The following MEX3C variants were observed in gnomAD, a reference collection of about 807,000 sequenced individuals.
MEX3C encodes RNA-binding E3 ubiquitin-protein ligase MEX3C.
Under a neutral mutation model 35.5 loss-of-function variants are expected in MEX3C, and 15 were observed. That is an observed-to-expected ratio of 0.42 (90% CI 0.28 to 0.65). The LOEUF is 0.65. Ranked by LOEUF, MEX3C falls within the 30% of genes least tolerant of loss-of-function variation. The probability of loss-of-function intolerance (pLI) is 0.20; values close to 1 mark genes in which losing one functional copy is unlikely to be tolerated. For missense variants in MEX3C, 711 were observed against 842.8 expected, an observed-to-expected ratio of 0.84 and a Z score of 1.94; for synonymous variants, 390 against 352.8, an observed-to-expected ratio of 1.11 and a Z score of -1.18.
rs1912492353 is a variant in MEX3C at position 51,184,439 on chromosome 18, C to A, written c.755-6863G>T. On this transcript the variant is annotated intron_variant, in intron 1 of 1. Coordinates refer to ENST00000406189, the MANE Select transcript of MEX3C (RefSeq NM_016626.5). ...AAAGTAATAAAAACTACTAGAGATT[C>A]TCAGAGCCCTTAAAAACTCCACAAT... Among the ~76,000 whole-genome samples, 4 of 152,160 alleles carry A rather than the reference C, an allele frequency of 2.6e-5. No homozygotes were observed. In the South Asian group the frequency reaches 8.3e-4, roughly 32 times the overall value.
At chr18:51,189,121 C>T (rs1235738266) in intron 1 of MEX3C, among the ~76,000 whole-genome samples, 1 of 152,168 alleles carries the variant, frequency 6.6e-6, no homozygotes, top group Non-Finnish European at 1.5e-5. Context: ...CAGTGCCTGA[C>T]ACAAGTTTGT....
intron 1 of MEX3C, among the ~76,000 whole-genome samples, chr18:51,187,528 A>G (rs1912567309): frequency 6.6e-6 from 1 of 152,314 alleles, no homozygotes; most frequent in East Asian, 1.9e-4. Context: ...CCTGTTATTA[A>G]GTGCTTAGCC....
rs1344520344 is a variant in MEX3C at position 51,176,963 on chromosome 18, A to G, written c.1368T>C (p.Asp456=). 6.2e-7 allele frequency: 1 copy of G among 1,614,004 alleles called. No individual in the cohort carries two copies. Among genetic ancestry groups the G allele is most frequent in the Non-Finnish European group, 8.5e-7 (1 of 1,179,892 alleles). The part of the protein sequence containing the change: ...SSSSLGSGST[D]SYFGSNRLAD... The stretch of plus-strand genomic sequence containing the variant: ...CCAGCCTATTGCTTCCAAAGTAGGA[A>G]TCTGTAGAGCCACTTCCTAGAGAAC... The change falls in exon 2 of 2, where the codon GAT becomes GAC. Residue 456 remains aspartate (D), a synonymous_variant. Coordinates refer to ENST00000406189, the MANE Select transcript of MEX3C (RefSeq NM_016626.5).
rs116079876 is a variant in MEX3C at position 51,176,160 on chromosome 18, T to C, written c.*191A>G. The C allele has an allele frequency of 2.7e-3, 1,477 of 550,292 alleles. 17 individuals are homozygous for C. The highest frequency in any genetic ancestry group is 0.023 in the African/African-American group (1,235 of 52,856). The allele number at this position is 550,292 out of a possible 1,614,324, so 34.1% of individuals were successfully genotyped here. On this transcript the variant is annotated 3_prime_UTR_variant, in exon 2 of 2. Coordinates refer to ENST00000406189, the MANE Select transcript of MEX3C (RefSeq NM_016626.5). ...GTACTAATAATTCAAACCAAACTAA[T>C]AGACAAGAGACCACTTAGGTTTAGT...
Position 51,177,602 on chromosome 18 carries a change from G to C in MEX3C, c.755-26C>G. On this transcript the variant is annotated intron_variant, in intron 1 of 1. Coordinates refer to ENST00000406189, the MANE Select transcript of MEX3C (RefSeq NM_016626.5). This position sits in a 1 kb window ranked among gnomAD's most constrained non-coding sequence, Gnocchi z 4.2. Reference sequence around the variant, plus strand: ...CTGTTAGAAAGAAAACATTTCATAAGAATCAACATCTACTTCAATGATATA... The same window carrying C: ...CTGTTAGAAAGAAAACATTTCATAACAATCAACATCTACTTCAATGATATA... 2 of 1,555,022 alleles carry C rather than the reference G, an allele frequency of 1.3e-6. No individual in the cohort carries two copies. The highest frequency in any genetic ancestry group is 1.2e-5 in the South Asian group (1 of 80,456).
At chr18:51,182,607 C>T (rs982237449) in intron 1 of MEX3C, among the ~76,000 whole-genome samples, 1 of 152,146 alleles carries the variant, frequency 6.6e-6, no homozygotes, top group South Asian at 2.1e-4. Flanking sequence ...CCTTAAAACC[C>T]TTTAGCTGCA....
chr18:51,180,067 T>C (rs1359409752), intron 1 of MEX3C, among the ~76,000 whole-genome samples: 4 of 151,684 alleles, frequency 2.6e-5, no homozygotes, highest in Admixed American at 2.0e-4. Flanking sequence ...CTTACTAATA[T>C]TGACCATTAG....
Position 51,176,119 on chromosome 18 carries a change from C to T in MEX3C, c.*232G>A, listed in dbSNP as rs185408695. ...AGCAATTCTTATATAAACTATGTCT[C>T]TGGGTCTACAGGATAGTACTAATAA... On this transcript the variant is annotated 3_prime_UTR_variant, in exon 2 of 2. Transcript: ENST00000406189. The T allele has an allele frequency of 4.9e-4, 194 of 397,504 alleles. 1 individual carries two copies. Among genetic ancestry groups the T allele is most frequent in the Middle Eastern group, 1.3e-3 (2 of 1,532 alleles). The allele number at this position is 397,504 out of a possible 1,614,324, so 24.6% of individuals were successfully genotyped here. A position where few individuals can be genotyped will look rare whatever the true frequency, so the allele number is the denominator to read the frequency against.
rs145810446 is a variant in MEX3C, at chr18:51,179,206, C to T, written c.755-1630G>A. Among the ~76,000 whole-genome samples, 805 of 152,042 alleles carry T rather than the reference C, an allele frequency of 5.3e-3. 38 individuals are homozygous for T. In the East Asian group the frequency reaches 0.12, roughly 22 times the overall value. ...TTTTAGTAGAGATGGGGTTTCACCACGTTGGTCAGGCTGGTCTTGAACTCC... is the reference window on the plus strand; with the variant it reads ...TTTTAGTAGAGATGGGGTTTCACCATGTTGGTCAGGCTGGTCTTGAACTCC... On this transcript the variant is annotated intron_variant, in intron 1 of 1. Coordinates refer to ENST00000406189, the MANE Select transcript of MEX3C (RefSeq NM_016626.5).
intron 1 of MEX3C, among the ~76,000 whole-genome samples, chr18:51,184,626 G>T (rs1042392716): frequency 1.3e-5 from 2 of 152,146 alleles, no homozygotes; most frequent in African/African-American, 4.8e-5. Flanking sequence ...GGGAGCTGAG[G>T]TGGGAGGATC....
At chr18:51,183,020 T>C (rs1051357232) in intron 1 of MEX3C, among the ~76,000 whole-genome samples, 4 of 152,290 alleles carry the variant, frequency 2.6e-5, no homozygotes, top group Non-Finnish European at 5.9e-5. Context: ...AGTACAGTGA[T>C]AGTGAAAAGG....
intron 1 of MEX3C, among the ~76,000 whole-genome samples, chr18:51,191,131 T>C (rs1912641352): frequency 6.6e-6 from 1 of 152,196 alleles, no homozygotes; most frequent in Non-Finnish European, 1.5e-5. Context: ...GGAATGACAC[T>C]GTTTAGAATT....
At position 51,176,160 on chromosome 18, in the gene MEX3C, T is replaced by G. The variant is rs116079876; in HGVS notation, c.*191A>C. 1.8e-6 allele frequency: 1 copy of G among 550,178 alleles called. No homozygotes were observed. Among genetic ancestry groups the G allele is most frequent in the Non-Finnish European group, 3.1e-6 (1 of 322,132 alleles). 34.1% of individuals were successfully genotyped at this position (550,178 alleles called of 1,614,324 possible). On this transcript the variant is annotated 3_prime_UTR_variant, in exon 2 of 2. Transcript: ENST00000406189. ...GTACTAATAATTCAAACCAAACTAA[T>G]AGACAAGAGACCACTTAGGTTTAGT...
chr18:51,187,744 A>T (rs530243131), intron 1 of MEX3C, among the ~76,000 whole-genome samples: 29 of 152,190 alleles, frequency 1.9e-4, no homozygotes, highest in Non-Finnish European at 4.3e-4. Flanking sequence ...AAAAACCCTA[A>T]ATCATCTCAC....
At chr18:51,185,169 G>A (rs1912511290) in intron 1 of MEX3C, among the ~76,000 whole-genome samples, 1 of 152,226 alleles carries the variant, frequency 6.6e-6, no homozygotes, top group Non-Finnish European at 1.5e-5. Context: ...CAAGAAGCTT[G>A]AGGGATCCAG....
chr18:51,179,719 G>C (rs1450576376), intron 1 of MEX3C, among the ~76,000 whole-genome samples: 1 of 152,148 alleles, frequency 6.6e-6, no homozygotes, highest in Non-Finnish European at 1.5e-5. Context: ...CCACATCTAC[G>C]TATCATTTAT....
rs570654250 is a variant in MEX3C, at chr18:51,182,106, T to A, written c.755-4530A>T. 8.3e-4 allele frequency among the ~76,000 whole-genome samples: 126 copies of A among 152,246 alleles called. 1 individual carries two copies. The highest frequency in any genetic ancestry group is 2.6e-3 in the Admixed American group (40 of 15,290). ...TGAGTAAGACCACGTTCACCAACTT[T>A]TATTACAGTATATTGTTATAAGTCT... On this transcript the variant is annotated intron_variant, in intron 1 of 1. Coordinates refer to ENST00000406189, the MANE Select transcript of MEX3C (RefSeq NM_016626.5).
Position 51,196,706 on chromosome 18 carries a change from G to T in MEX3C, c.615C>A (p.Tyr205Ter). ...CCGCCGCCCCACAACCGCCGGGGCC[G>T]TAGGCGTGGGACAGCATCGCCGCCA... ...GMMAAMLSHA[Y>*]GPGGCGAAAA... Residue 205 changes from tyrosine to a stop codon, truncating the protein, a stop_gained, in exon 1 of 2, where the codon TAC (tyrosine) becomes TAA (stop). Coordinates refer to ENST00000406189, the MANE Select transcript of MEX3C (RefSeq NM_016626.5). LOFTEE classifies it high-confidence loss of function. 1 of 1,538,702 alleles carries T rather than the reference G, an allele frequency of 6.5e-7. No individual in the cohort carries two copies.
At chr18:51,179,681 T>C (rs1422880653) in intron 1 of MEX3C, among the ~76,000 whole-genome samples, 4 of 152,182 alleles carry the variant, frequency 2.6e-5, no homozygotes, top group African/African-American at 9.6e-5. Flanking sequence ...GAAAATCAGT[T>C]AGAAGAACAG....
Sources: gnomAD v4.1 joint callset for allele counts (sites outside exome capture counted in the v4.1 genomes callset) on GRCh38, gnomAD v4.1.1 for gene constraint, Gnocchi (gnomAD v3.1) non-coding constraint, MANE v1.5 for transcripts, NCBI Gene and HGNC (gene_info 2026-07-23, HGNC 2026-07-21) for gene names.